Variants in CLCN5 observed in about 807,000 individuals in gnomAD.
The protein encoded by CLCN5 is H(+)/Cl(-) exchange transporter 5.
In CLCN5, 17 loss-of-function variants were observed where a neutral mutation model predicts 54.0. The observed-to-expected ratio is 0.31, with a 90% CI of 0.22 to 0.47. The LOEUF is 0.47. CLCN5 is among the 20% of genes least tolerant of loss of function. CLCN5 has a pLI of 1.00. For missense variants in CLCN5, 448 were observed against 646.7 expected (o/e 0.69, Z 3.33); for synonymous variants, 222 against 233.0 (o/e 0.95, Z 0.43).
At chrX:50,009,527 T>C (rs1930380668) in intron 3 of CLCN5, among the ~76,000 whole-genome samples, 1 of 111,929 alleles carries the variant, frequency 8.9e-6, no homozygotes. Flanking sequence ...ATATCTTTCA[T>C]TCTAGTCTGA....
intron 4 of CLCN5, among the ~76,000 whole-genome samples, chrX:50,045,382 T>C (rs782328358): frequency 8.9e-6 from 1 of 112,314 alleles, no homozygotes; most frequent in East Asian, 2.8e-4. Context: ...CACCAATCAC[T>C]GACTTTAGTG....
intron 3 of CLCN5, among the ~76,000 whole-genome samples, chrX:49,930,262 T>C (rs1601947922): frequency 8.9e-6 from 1 of 112,125 alleles, no homozygotes; most frequent in Non-Finnish European, 1.9e-5. Flanking sequence ...GATGTTCTCA[T>C]ACACTTGTGG....
At chrX:49,975,836 T>C (rs187184243) in intron 3 of CLCN5, among the ~76,000 whole-genome samples, 188 of 112,433 alleles carry the variant, frequency 1.7e-3, no homozygotes, top group Non-Finnish European at 2.7e-3. Context: ...TTTGAACAAG[T>C]GGAAGAGGCT....
At chrX:49,958,019 A>C (rs1304634929) in intron 3 of CLCN5, among the ~76,000 whole-genome samples, 1 of 110,714 alleles carries the variant, frequency 9.0e-6, no homozygotes, top group East Asian at 2.8e-4. Context: ...GCTCCATGCA[A>C]CTTTATCACA....
At chrX:50,003,478 C>T (rs782359123) in intron 3 of CLCN5, 20 of 380,586 alleles carry the variant, frequency 5.3e-5, no homozygotes, top group South Asian at 1.4e-4. Context: ...ACCCATATGT[C>T]GTGCCAAGAG....
In CLCN5 at chrX:50,076,633, C is replaced by T. The variant is rs964650131; in HGVS notation, c.603+651C>T. ...CTCAACCTCCTAGCCTCAAGCAGTC[C>T]TCCCACCAGTCCTCCTCAGGAGTAG... On this transcript the variant is annotated intron_variant, in intron 7 of 14. Coordinates refer to ENST00000376091, the MANE Select transcript of CLCN5 (RefSeq NM_001127898.4). 4.5e-5 allele frequency among the ~76,000 whole-genome samples: 5 copies of T among 111,394 alleles called. No individual in the cohort carries two copies. The East Asian group carries it at 8.4e-4, about 19-fold the overall frequency.
At chrX:50,023,130 A>G (rs1474553646) in intron 3 of CLCN5, among the ~76,000 whole-genome samples, 1 of 95,890 alleles carries the variant, frequency 1.0e-5, no homozygotes, top group Non-Finnish European at 1.9e-5. Context: ...TTTGTAGGTC[A>G]CTCAGGACTT....
rs782084593 is a variant in CLCN5, at chrX:50,080,629, C to T, written c.639C>T (p.Tyr213=). ...CCTACATAGTCAATTATTTCATGTACGTCCTCTGGGCTCTCCTATTTGCCT... is the reference window on the plus strand; with the variant it reads ...CCTACATAGTCAATTATTTCATGTATGTCCTCTGGGCTCTCCTATTTGCCT... The part of the protein sequence containing the change: ...AFAYIVNYFM[Y]VLWALLFAFL... Residue 213 remains tyrosine (Y), a synonymous_variant, in exon 8 of 15, where the codon TAC becomes TAT. Transcript: ENST00000376091. 1.4e-5 allele frequency: 17 copies of T among 1,203,599 alleles called. No individual in the cohort carries two copies. In the African/African-American group the frequency reaches 2.3e-4, roughly 16 times the overall value.
intron 3 of CLCN5, among the ~76,000 whole-genome samples, chrX:50,011,224 CAG>C (rs781907862): frequency 2.7e-5 from 3 of 111,528 alleles, no homozygotes; most frequent in Non-Finnish European, 3.8e-5. Flanking sequence ...CTTAAAAGGA[CAG>C]AGCTTTTGCA....
At chrX:50,062,032 G>A (rs1437709923) in intron 4 of CLCN5, among the ~76,000 whole-genome samples, 5 of 100,670 alleles carry the variant, frequency 5.0e-5, no homozygotes, top group African/African-American at 1.2e-4. Context: ...AGGAACAACC[G>A]GTACCAGCTG....
Position 50,019,324 on chromosome X carries a change from C to T in CLCN5, c.17-22992C>T, listed in dbSNP as rs371022500. 3.6e-5 allele frequency among the ~76,000 whole-genome samples: 4 copies of T among 110,209 alleles called. No homozygotes were observed. The South Asian group carries it at 1.2e-3, about 32-fold the overall frequency. On this transcript the variant is annotated intron_variant, in intron 3 of 14. Coordinates refer to ENST00000376091, the MANE Select transcript of CLCN5 (RefSeq NM_001127898.4). ...TTTTCCTTAATTATTTTTACATTGA[C>T]ATGTAATTATACATATTTGTGGGGT...
intron 3 of CLCN5, among the ~76,000 whole-genome samples, chrX:49,934,934 GC>G (rs1409636070): frequency 9.0e-6 from 1 of 111,599 alleles, no homozygotes; most frequent in East Asian, 2.8e-4. Context: ...CTTACCTGTG[GC>G]CACCTGTGAC....
chrX:50,067,701 A>T, intron 4 of CLCN5: 1 of 754,186 alleles, frequency 1.3e-6, no homozygotes, highest in Non-Finnish European at 1.6e-6. Context: ...GAATGACCAA[A>T]TGCGGGCTGC....
At chrX:49,962,864 G>T (rs1202342454) in intron 3 of CLCN5, among the ~76,000 whole-genome samples, 7 of 111,690 alleles carry the variant, frequency 6.3e-5, no homozygotes, top group Non-Finnish European at 1.3e-4. Context: ...ATAACAGACT[G>T]ATCTGGTGCC....
intron 3 of CLCN5, among the ~76,000 whole-genome samples, chrX:50,001,842 C>T (rs1929836640): frequency 9.0e-6 from 1 of 110,901 alleles, no homozygotes; most frequent in South Asian, 3.9e-4. Context: ...TAACCTGCAG[C>T]ACTTAAATGA....
chrX:49,930,254 T>C (rs908613025), intron 3 of CLCN5, among the ~76,000 whole-genome samples: 8 of 112,070 alleles, frequency 7.1e-5, no homozygotes, highest in Non-Finnish European at 1.1e-4. Flanking sequence ...AGGAAGCAGA[T>C]GTTCTCATAC....
In CLCN5 at chrX:49,986,981, C is replaced by G. The variant is rs1051362742; in HGVS notation, c.17-55335C>G. Among the ~76,000 whole-genome samples, 3 of 111,763 alleles carry G rather than the reference C, an allele frequency of 2.7e-5. No homozygotes were observed. The East Asian group carries it at 8.4e-4, about 31-fold the overall frequency. On this transcript the variant is annotated intron_variant, in intron 3 of 14. Transcript: ENST00000376091. ...TATACTTGCTTTTATTTAGAAGAGG[C>G]TGCTGAACTTGATAATCTTCAAAAA...
chrX:49,966,594 T>A (rs868974105), intron 3 of CLCN5, among the ~76,000 whole-genome samples: 1 of 12,171 alleles, frequency 8.2e-5, no homozygotes, highest in African/African-American at 5.0e-4. Context: ...CTGATCTTTT[T>A]TTTTTTTTTT....
At chrX:49,994,527 T>A (rs868918133) in intron 3 of CLCN5, among the ~76,000 whole-genome samples, 8,146 of 110,915 alleles carry the variant, frequency 0.073, 762 homozygotes, top group African/African-American at 0.26. Context: ...AAGAAGAAAT[T>A]GAGGAGAGTA....
Sources: allele counts gnomAD v4.1 joint callset (sites outside exome capture counted in the v4.1 genomes callset), GRCh38; gene constraint gnomAD v4.1.1; transcripts MANE v1.5; gene names NCBI Gene and HGNC (gene_info 2026-07-23, HGNC 2026-07-21).